The following ZFR2 variants were observed in gnomAD, a reference collection of about 807,000 sequenced individuals.
The protein encoded by ZFR2 is zinc finger RNA binding protein 2.
ZFR2 carries 104 observed loss-of-function variants against 105.7 expected under a neutral mutation model. The ratio of observed to expected loss-of-function variants is 0.98; its 90% CI spans 0.84 to 1.16. ZFR2 has a LOEUF of 1.16. ZFR2 is among the 50% of genes most tolerant of loss of function. The probability of loss-of-function intolerance (pLI) is 0.00; values close to 1 mark genes in which losing one functional copy is unlikely to be tolerated. For missense variants in ZFR2, 1,425 were observed against 1,355.5 expected, an observed-to-expected ratio of 1.05 and a Z score of -0.80; for synonymous variants, 634 against 597.7, an observed-to-expected ratio of 1.06 and a Z score of -0.89.
intron 1 of ZFR2, among the ~76,000 whole-genome samples, chr19:3,850,204 A>C (rs912487337): frequency 1.8e-4 from 27 of 152,098 alleles, no homozygotes; most frequent in Admixed American, 5.9e-4. Flanking sequence ...GCTCCCCCAG[A>C]GGCTGGAAAA....
At position 3,831,367 on chromosome 19, in the gene ZFR2, G is replaced by T; in HGVS notation, c.788C>A (p.Ala263Glu). ...GTGAAGCTGGAGCTGCCTGGGCCCC[G>T]CCTTGGGTCTCGGCAGCTTGCTGGG... ...PLPSKLPRPK[A>E]GPRQLQLHYC... is the part of the protein sequence containing the mutation. The change falls in exon 5 of 19, where the codon GCG becomes GAG. Residue 263 changes from alanine (A) to glutamate (E), a missense_variant. Coordinates refer to ENST00000262961, the MANE Select transcript of ZFR2 (RefSeq NM_015174.2). The T allele has an allele frequency of 6.4e-7, 1 of 1,557,338 alleles. No individual in the cohort carries two copies.
intron 15 of ZFR2, 30 bp downstream of exon 15, chr19:3,811,242 C>T: frequency 1.3e-6 from 2 of 1,526,732 alleles, no homozygotes; most frequent in Non-Finnish European, 1.8e-6. Context: ...AGTCACCCCT[C>T]TCCCCCTGCT....
At chr19:3,808,565 C>T (rs12459383) in intron 17 of ZFR2, among the ~76,000 whole-genome samples, 21,734 of 152,194 alleles carry the variant, frequency 0.14, 1,969 homozygotes, top group Admixed American at 0.29. Context: ...GGCTCTGTGC[C>T]GGGGTGGCTC....
Position 3,813,379 on chromosome 19 carries a change from C to T in ZFR2, c.2242+441G>A, listed in dbSNP as rs2037790265. Among the ~76,000 whole-genome samples, 1 of 152,118 alleles carries T rather than the reference C, an allele frequency of 6.6e-6. No individual in the cohort carries two copies. Among genetic ancestry groups the T allele is most frequent in the Admixed American group, 6.6e-5 (1 of 15,258 alleles). ...CCTGGCAGGTCTGGCTTTAAGACCCCCGATTCCCTACATTCCTAATCAGTG... is the reference window on the plus strand; with the variant it reads ...CCTGGCAGGTCTGGCTTTAAGACCCTCGATTCCCTACATTCCTAATCAGTG... On this transcript the variant is annotated intron_variant, in intron 14 of 18. Coordinates refer to ENST00000262961, the MANE Select transcript of ZFR2 (RefSeq NM_015174.2). The surrounding 1 kb of genome is among the most constrained non-coding windows in gnomAD (Gnocchi z 4.4).
intron 1 of ZFR2, chr19:3,856,822 C>G (rs1281549039): frequency 6.6e-6 from 1 of 152,238 alleles, no homozygotes; most frequent in Admixed American, 6.6e-5. Flanking sequence ...CCTCCACCTC[C>G]CTGGTTCAAG....
At chr19:3,826,169 G>A (rs1041050301) in intron 6 of ZFR2, among the ~76,000 whole-genome samples, 4 of 151,998 alleles carry the variant, frequency 2.6e-5, no homozygotes, top group Non-Finnish European at 4.4e-5. Flanking sequence ...TCTCTGCCCC[G>A]CTCCTTCCCT....
rs756886578 is a variant in ZFR2, at chr19:3,822,220, C to A, written c.1372-20G>T. On this transcript the variant is annotated intron_variant, in intron 8 of 18. Transcript: ENST00000262961. ...GAACACCTGAGACACAGAACAGCCG[C>A]ACGCGCACCAGGCACGAGGCGGGGT... 1.3e-6 allele frequency: 2 copies of A among 1,565,402 alleles called. No individual in the cohort carries two copies. Among genetic ancestry groups the A allele is most frequent in the Admixed American group, 3.8e-5 (2 of 53,178 alleles).
intron 18 of ZFR2, among the ~76,000 whole-genome samples, chr19:3,806,511 C>T (rs535991620): frequency 6.6e-6 from 1 of 152,342 alleles, no homozygotes; most frequent in East Asian, 1.9e-4. Flanking sequence ...CCGCCCGCCT[C>T]GGCTTCCCAA....
intron 6 of ZFR2, among the ~76,000 whole-genome samples, 189 bp from the exon 7 acceptor site, chr19:3,825,596 T>G (rs1037216669): frequency 2.0e-5 from 3 of 152,150 alleles, no homozygotes; most frequent in African/African-American, 7.2e-5. Flanking sequence ...CCAGGTGGCC[T>G]CCTGCCTTGC....
intron 1 of ZFR2, chr19:3,855,316 T>A: frequency 8.4e-7 from 1 of 1,183,648 alleles, no homozygotes; most frequent in Non-Finnish European, 1.1e-6. Flanking sequence ...AAAAAAAAAG[T>A]CATTAGAGGC....
chr19:3,838,202 C>T lies in ZFR2; in HGVS notation c.54-3219G>A, dbSNP rs1160930759. 6.6e-6 allele frequency among the ~76,000 whole-genome samples: 1 copy of T among 151,644 alleles called. No homozygotes were observed. ...TGACCGTGACACCCGATGAACATCC[C>T]GACAATACATTCGATGAACACCGTG... On this transcript the variant is annotated intron_variant, in intron 1 of 18. Coordinates refer to ENST00000262961, the MANE Select transcript of ZFR2 (RefSeq NM_015174.2). The surrounding 1 kb of genome is among the most constrained non-coding windows in gnomAD (Gnocchi z 4.9).
At chr19:3,849,616 G>A (rs1419282277) in intron 1 of ZFR2, among the ~76,000 whole-genome samples, 1 of 152,260 alleles carries the variant, frequency 6.6e-6, no homozygotes, top group African/African-American at 2.4e-5. Flanking sequence ...CCAGGGCGTA[G>A]CCTTGTGCAG....
Position 3,804,819 on chromosome 19 carries a change from C to T in ZFR2, c.*1130G>A, listed in dbSNP as rs2145124763. The T allele has an allele frequency of 6.5e-6, 1 of 152,990 alleles. No individual in the cohort carries two copies. Among genetic ancestry groups the T allele is most frequent in the Non-Finnish European group, 1.5e-5 (1 of 68,454 alleles). 9.5% of individuals were successfully genotyped at this position (152,990 alleles called of 1,614,324 possible). A position where few individuals can be genotyped will look rare whatever the true frequency, so the allele number is the denominator to read the frequency against. On this transcript the variant is annotated 3_prime_UTR_variant, in exon 19 of 19. Transcript: ENST00000262961. ...GGTGGGGCCCCAGAACAGGGCCTGCCCACGTGATTTCAAATCCATGCCGCA... is the reference window on the plus strand; with the variant it reads ...GGTGGGGCCCCAGAACAGGGCCTGCTCACGTGATTTCAAATCCATGCCGCA...
chr19:3,834,940 A>G lies in ZFR2; in HGVS notation c.97T>C (p.Tyr33His). Residue 33 changes from tyrosine (Y) to histidine (H), a missense_variant, in exon 2 of 19, where the codon TAT becomes CAT. Transcript: ENST00000262961. This position sits in a 1 kb window ranked among gnomAD's most constrained non-coding sequence, Gnocchi z 5.3. ...ATCCCAGGAGTGGGTTGTGCAGTAT[A>G]GCTGGCCCCCACAGTGGGCAGGGGA... Reference protein sequence around the residue: ...TLPLPTVGASYTAQPTPGMDP... With the variant: ...TLPLPTVGASHTAQPTPGMDP... 5 of 1,611,946 alleles carry G rather than the reference A, an allele frequency of 3.1e-6. No individual in the cohort carries two copies. The highest frequency in any genetic ancestry group is 4.2e-6 in the Non-Finnish European group (5 of 1,179,232).
Position 3,808,881 on chromosome 19 carries a change from G to T in ZFR2, c.2536C>A (p.Leu846Ile). ...RVLECVATGTLLTDGPGLQDP... is the reference protein window; with the variant it reads ...RVLECVATGTILTDGPGLQDP... ...CGGCCCAGCGACTGACCTGTCAGGA[G>T]CGTCCCTGTGGCCACGCACTCCAGG... Residue 846 changes from leucine (L) to isoleucine (I), a missense_variant, in exon 17 of 19, where the codon CTC becomes ATC. Transcript: ENST00000262961. 1 of 1,550,794 alleles carries T rather than the reference G, an allele frequency of 6.4e-7. No individual in the cohort carries two copies.
At chr19:3,808,257 G>A (rs1465375133) in intron 17 of ZFR2, among the ~76,000 whole-genome samples, 1 of 152,138 alleles carries the variant, frequency 6.6e-6, no homozygotes, top group Non-Finnish European at 1.5e-5. Flanking sequence ...AAGTATGTGC[G>A]TGTGTGCGTG....
intron 18 of ZFR2, among the ~76,000 whole-genome samples, chr19:3,806,685 C>T (rs1171288587): frequency 2.0e-5 from 3 of 152,248 alleles, no homozygotes; most frequent in African/African-American, 4.8e-5. Context: ...CAGCTCTTTC[C>T]GCCTCACTGG....
chr19:3,811,497 C>T (rs979971701), intron 14 of ZFR2, 131 bp from the exon 15 acceptor site: 6 of 785,404 alleles, frequency 7.6e-6, no homozygotes, highest in Middle Eastern at 3.6e-4. Flanking sequence ...CTGTGTCACC[C>T]AGGCTGGAGT....
chr19:3,820,392 A>C (rs977594796), intron 10 of ZFR2, 102 bp from the exon 11 acceptor site: 45 of 1,100,950 alleles, frequency 4.1e-5, no homozygotes, highest in Middle Eastern at 4.8e-4. Context: ...CAAGGAAGGA[A>C]GGGCCAAAGC....
Sources: allele counts gnomAD v4.1 joint callset (sites outside exome capture counted in the v4.1 genomes callset), GRCh38; gene constraint gnomAD v4.1.1; non-coding constraint Gnocchi (gnomAD v3.1); transcripts MANE v1.5; gene names NCBI Gene and HGNC (gene_info 2026-07-23, HGNC 2026-07-21).